NRG1: variants seen among roughly 807,000 people sequenced by gnomAD.
NRG1 encodes the protein pro-neuregulin-1, membrane-bound isoform.
In NRG1, 18 loss-of-function variants were observed where a neutral mutation model predicts 63.8. The observed-to-expected ratio is 0.28, with a 90% CI of 0.19 to 0.42. The LOEUF (loss-of-function observed/expected upper bound fraction) is 0.42, where lower values mean the gene tolerates loss of function less well. Ranked by LOEUF, NRG1 falls within the 10% of genes least tolerant of loss-of-function variation. NRG1 has a pLI of 1.00. For synonymous variants in NRG1, 302 were observed against 301.3 expected, an observed-to-expected ratio of 1.00 and a Z score of -0.02; for missense variants, 762 against 814.7, an observed-to-expected ratio of 0.94 and a Z score of 0.79.
intron 1 of NRG1, among the ~76,000 whole-genome samples, chr8:32,159,107 A>G (rs1181937770): frequency 1.3e-5 from 2 of 152,250 alleles, no homozygotes; most frequent in Admixed American, 6.5e-5. Flanking sequence ...CTAAAGAGTA[A>G]AAATCACAAT....
chr8:32,607,395 C>T (rs975820836), intron 3 of NRG1, among the ~76,000 whole-genome samples: 1 of 152,028 alleles, frequency 6.6e-6, no homozygotes, highest in South Asian at 2.1e-4. Flanking sequence ...TGATTTTTGA[C>T]ACTTGGATTT....
At chr8:31,677,998 T>G (rs1461191489) in intron 1 of NRG1, among the ~76,000 whole-genome samples, 2 of 151,952 alleles carry the variant, frequency 1.3e-5, no homozygotes, top group Non-Finnish European at 2.9e-5. Context: ...TAAGTTCATC[T>G]GATTCTTCAG....
At chr8:31,790,346 G>A (rs146808786) in intron 1 of NRG1, among the ~76,000 whole-genome samples, 178 of 152,312 alleles carry the variant, frequency 1.2e-3, no homozygotes, top group African/African-American at 3.9e-3. Flanking sequence ...AACTAACAGT[G>A]ATAGAGGAAG....
intron 1 of NRG1, among the ~76,000 whole-genome samples, chr8:32,466,234 G>A (rs1354943895): frequency 6.6e-6 from 1 of 152,134 alleles, no homozygotes; most frequent in Non-Finnish European, 1.5e-5. Flanking sequence ...GGCTAAGGCA[G>A]GAGGATTGCT....
At chr8:32,591,782 C>T (rs1334306906) in intron 1 of NRG1, among the ~76,000 whole-genome samples, 1 of 151,846 alleles carries the variant, frequency 6.6e-6, no homozygotes, top group African/African-American at 2.4e-5. Context: ...AAAGAAGAAA[C>T]CTCCTTGAGA....
chr8:32,462,442 T>C (rs11997114), intron 1 of NRG1, among the ~76,000 whole-genome samples: 47,231 of 151,936 alleles, frequency 0.31, 7,585 homozygotes, highest in South Asian at 0.35. Flanking sequence ...ATAAATACTA[T>C]AGGCAAGCAA....
chr8:31,835,596 C>A (rs1045188589), intron 1 of NRG1, among the ~76,000 whole-genome samples: 1 of 152,140 alleles, frequency 6.6e-6, no homozygotes, highest in African/African-American at 2.4e-5. Flanking sequence ...TTAAAATCAC[C>A]GGGCCTAGTT....
chr8:32,152,967 C>T (rs1485586384), intron 1 of NRG1, among the ~76,000 whole-genome samples: 1 of 152,160 alleles, frequency 6.6e-6, no homozygotes, highest in Non-Finnish European at 1.5e-5. Context: ...CTAATAACCA[C>T]CTATAATAAT....
chr8:32,092,461 C>CAAAAAAAAAAAAAAAAAAA (rs71208167), intron 1 of NRG1, among the ~76,000 whole-genome samples: 13 of 83,642 alleles, frequency 1.6e-4, no homozygotes, highest in Non-Finnish European at 1.8e-4. Flanking sequence ...GACCCTGTCT[C>CAAAAAAAAAAAAAAAAAAA]AAAAAAAAAA....
intron 1 of NRG1, among the ~76,000 whole-genome samples, chr8:32,420,255 T>C (rs995541403): frequency 1.3e-5 from 2 of 152,172 alleles, no homozygotes; most frequent in African/African-American, 4.8e-5. Flanking sequence ...TGGCTCCACT[T>C]CCCTTGGGGG....
chr8:32,530,993 G>C (rs1734849469), intron 1 of NRG1, among the ~76,000 whole-genome samples: 1 of 152,118 alleles, frequency 6.6e-6, no homozygotes, highest in African/African-American at 2.4e-5. Context: ...AGCTACTTGG[G>C]AGGCTAAGGC....
At chr8:31,848,987 T>A (rs892515077) in intron 1 of NRG1, among the ~76,000 whole-genome samples, 4 of 152,124 alleles carry the variant, frequency 2.6e-5, no homozygotes, top group Non-Finnish European at 4.4e-5. Context: ...ACGAAACAGA[T>A]CCCTATGCCA....
chr8:31,732,703 T>G (rs1814218176), intron 1 of NRG1, among the ~76,000 whole-genome samples: 1 of 152,058 alleles, frequency 6.6e-6, no homozygotes, highest in Non-Finnish European at 1.5e-5. Context: ...CCAGCCTGGC[T>G]GGTCAACATG....
intron 1 of NRG1, among the ~76,000 whole-genome samples, chr8:32,439,099 T>G (rs1476441497): frequency 1.3e-5 from 2 of 152,158 alleles, no homozygotes; most frequent in Admixed American, 1.3e-4. Flanking sequence ...ATAGAAAAAC[T>G]TGTCCTAGAT....
In NRG1 at chr8:31,694,320, C is replaced by T. The variant is rs142384048; in HGVS notation, c.37+54889C>T. On this transcript the variant is annotated intron_variant, in intron 1 of 10. Transcript: ENST00000519301. Reference sequence around the variant, plus strand: ...CACCTTCTGGTTTTGTCACTAAATGCTTTATGACTTTGATCTCAGCCCTTC... The same window carrying T: ...CACCTTCTGGTTTTGTCACTAAATGTTTTATGACTTTGATCTCAGCCCTTC... Among the ~76,000 whole-genome samples the T allele has an allele frequency of 1.8e-3, 270 of 152,246 alleles. 2 individuals are homozygous for T. The highest frequency in any genetic ancestry group is 2.7e-3 in the Non-Finnish European group (182 of 68,004).
At chr8:32,429,116 A>G (rs939215310) in intron 1 of NRG1, among the ~76,000 whole-genome samples, 1 of 152,182 alleles carries the variant, frequency 6.6e-6, no homozygotes, top group Non-Finnish European at 1.5e-5. Context: ...GTGGAAGTGA[A>G]ATGAAGTACG....
At chr8:32,681,786 T>C (rs960767588) in intron 5 of NRG1, among the ~76,000 whole-genome samples, 2 of 152,186 alleles carry the variant, frequency 1.3e-5, no homozygotes, top group Non-Finnish European at 2.9e-5. Flanking sequence ...ATGATTTTAG[T>C]GTATATGACA....
At chr8:32,131,163 A>G (rs1461571496) in intron 1 of NRG1, among the ~76,000 whole-genome samples, 5 of 152,042 alleles carry the variant, frequency 3.3e-5, no homozygotes, top group African/African-American at 1.2e-4. Context: ...GTGGGGACTT[A>G]CTAAGTGTAT....
At chr8:31,986,671 T>C (rs1193482368) in intron 1 of NRG1, among the ~76,000 whole-genome samples, 1 of 152,112 alleles carries the variant, frequency 6.6e-6, no homozygotes, top group African/African-American at 2.4e-5. Flanking sequence ...TTGTACGAAT[T>C]GGCCAGCTAT....
Sources: allele counts gnomAD v4.1 joint callset (sites outside exome capture counted in the v4.1 genomes callset), GRCh38; gene constraint gnomAD v4.1.1; transcripts MANE v1.5; gene names NCBI Gene and HGNC (gene_info 2026-07-23, HGNC 2026-07-21).